Variants in ATG7 observed in about 807,000 individuals in gnomAD.
The protein encoded by ATG7 is autophagy related 7.
In ATG7, 70 loss-of-function variants were observed where a neutral mutation model predicts 82.4. That is an observed-to-expected ratio of 0.85 (90% CI 0.70 to 1.04). The LOEUF is 1.04. Ranked by LOEUF, ATG7 falls within the 50% of genes least tolerant of loss-of-function variation. ATG7 has a pLI of 0.00. For synonymous variants in ATG7, 287 were observed against 313.0 expected, an observed-to-expected ratio of 0.92 and a Z score of 0.88; for missense variants, 792 against 864.3, an observed-to-expected ratio of 0.92 and a Z score of 1.05.
chr3:11,332,514 C>CCACAA (rs1951792643), intron 10 of ATG7, among the ~76,000 whole-genome samples: 2 of 152,046 alleles, frequency 1.3e-5, no homozygotes, highest in Admixed American at 1.3e-4. Context: ...GGGAGACAAT[C>CCACAA]TACAATTATC....
Position 11,542,743 on chromosome 3 carries a change from C to T in ATG7, c.2080-12068C>T, listed in dbSNP as rs2070936498. On this transcript the variant is annotated intron_variant, in intron 20 of 20. Transcript: ENST00000693202. ...GGGCATCCTCCCGGGCACCCCCTCC[C>T]GGGCGTCAGGTCTCTGTTTCCAGCC... Among the ~76,000 whole-genome samples the T allele has an allele frequency of 3.3e-5, 5 of 152,350 alleles. No individual in the cohort carries two copies. In the South Asian group the frequency reaches 6.2e-4, roughly 19 times the overall value.
the ATG7 span, among the ~76,000 whole-genome samples, chr3:11,569,360 C>G: frequency 6.6e-6 from 1 of 152,168 alleles, no homozygotes; most frequent in Non-Finnish European, 1.5e-5. Context: ...CCCAAAGGCC[C>G]CTGAGCACCA....
the ATG7 span, among the ~76,000 whole-genome samples, chr3:11,576,204 A>G: frequency 1.3e-5 from 2 of 152,344 alleles, no homozygotes; most frequent in Middle Eastern, 6.8e-3. Context: ...ACCTGCGGCC[A>G]TGACCCCCAG....
intron 18 of ATG7, among the ~76,000 whole-genome samples, chr3:11,377,725 TA>T (rs2077527468): frequency 1.3e-5 from 2 of 152,234 alleles, no homozygotes; most frequent in African/African-American, 4.8e-5. Context: ...AGTTCTTTTC[TA>T]AGTAAACTTA....
intron 18 of ATG7, among the ~76,000 whole-genome samples, chr3:11,379,427 C>G (rs1466451017): frequency 6.6e-6 from 1 of 152,094 alleles, no homozygotes; most frequent in Non-Finnish European, 1.5e-5. Context: ...GTGCTGTTTC[C>G]CCATAAATCT....
chr3:11,352,312 A>T (rs918683244), intron 14 of ATG7, among the ~76,000 whole-genome samples: 2 of 152,182 alleles, frequency 1.3e-5, no homozygotes, highest in Non-Finnish European at 2.9e-5. Flanking sequence ...CAATAAACAT[A>T]TGTGTGCATG....
intron 20 of ATG7, among the ~76,000 whole-genome samples, chr3:11,462,317 C>T (rs1457383903): frequency 6.6e-6 from 1 of 151,952 alleles, no homozygotes; most frequent in African/African-American, 2.4e-5. Flanking sequence ...GAAGGAGACA[C>T]AGGAGAGGCT....
chr3:11,524,607 A>G (rs2092525685), intron 20 of ATG7, among the ~76,000 whole-genome samples: 1 of 152,132 alleles, frequency 6.6e-6, no homozygotes, highest in Admixed American at 6.6e-5. Flanking sequence ...AAAAATAAAA[A>G]TAATAATAAT....
intron 16 of ATG7, among the ~76,000 whole-genome samples, chr3:11,361,158 G>A (rs774588811): frequency 6.6e-6 from 1 of 152,124 alleles, no homozygotes; most frequent in African/African-American, 2.4e-5. Context: ...TGCCTCCCAG[G>A]TAGTTCTAAA....
At position 11,379,955 on chromosome 3, in the gene ATG7, G is replaced by GT; in HGVS notation, c.1876-13dup. 1 of 1,612,648 alleles carries GT rather than the reference G, an allele frequency of 6.2e-7. No individual in the cohort carries two copies. Among genetic ancestry groups the GT allele is most frequent in the Non-Finnish European group, 8.5e-7 (1 of 1,178,692 alleles). Reference sequence around the variant, plus strand: ...TTGTGTGTTTGATGTGAATTGTTTTGTTTTGTTTGTTTTTAGATCCGGGGA... The same window carrying GT: ...TTGTGTGTTTGATGTGAATTGTTTTGTTTTTGTTTGTTTTTAGATCCGGGGA... On this transcript the variant is annotated splice_polypyrimidine_tract_variant and intron_variant, in intron 18 of 20. Coordinates refer to ENST00000693202, the MANE Select transcript of ATG7 (RefSeq NM_001349232.2).
chr3:11,510,396 AAT>A (rs1264796470), intron 20 of ATG7: 8 of 402,932 alleles, frequency 2.0e-5, no homozygotes, highest in African/African-American at 1.7e-4. Context: ...AAAAAAAAAA[AAT>A]CTGAGTTACT....
At chr3:11,473,536 G>A (rs984744973) in intron 20 of ATG7, among the ~76,000 whole-genome samples, 2 of 152,144 alleles carry the variant, frequency 1.3e-5, no homozygotes, top group Admixed American at 6.6e-5. Context: ...CTGAAAGGCC[G>A]TTCTCCAAGA....
chr3:11,504,993 T>C (rs2091608233), intron 20 of ATG7, among the ~76,000 whole-genome samples: 1 of 152,128 alleles, frequency 6.6e-6, no homozygotes, highest in Admixed American at 6.6e-5. Context: ...ATATAATGCC[T>C]AAACCTGAAA....
chr3:11,377,586 A>G (rs2077519187), intron 18 of ATG7, among the ~76,000 whole-genome samples: 1 of 152,250 alleles, frequency 6.6e-6, no homozygotes, highest in South Asian at 2.1e-4. Context: ...TGTGCAACAT[A>G]AAGTAAGTTT....
chr3:11,516,208 A>C (rs555068302), intron 20 of ATG7, among the ~76,000 whole-genome samples: 2 of 152,200 alleles, frequency 1.3e-5, no homozygotes, highest in Non-Finnish European at 2.9e-5. Flanking sequence ...AAGATGTTCC[A>C]ATAGCATTAG....
At chr3:11,560,145 C>T (rs1187463334), downstream of ATG7, among the ~76,000 whole-genome samples, 3 of 152,114 alleles carry the variant, frequency 2.0e-5, no homozygotes, top group South Asian at 2.1e-4. Context: ...CACTGGCCAC[C>T]GCCCCACCAC....
chr3:11,380,158 T>TG (rs1452042234), intron 19 of ATG7, 106 bp downstream of exon 19: 2 of 1,035,666 alleles, frequency 1.9e-6, no homozygotes, highest in African/African-American at 1.6e-5. Context: ...GGGCTTTTTG[T>TG]GGGGGAAGGG....
chr3:11,409,816 A>G (rs2080725601), intron 19 of ATG7, among the ~76,000 whole-genome samples: 1 of 149,802 alleles, frequency 6.7e-6, no homozygotes, highest in South Asian at 2.1e-4. Flanking sequence ...TTGCTACAGC[A>G]CGATTTGTTG....
At chr3:11,472,288 G>C (rs2087634264) in intron 20 of ATG7, among the ~76,000 whole-genome samples, 1 of 152,058 alleles carries the variant, frequency 6.6e-6, no homozygotes, top group Non-Finnish European at 1.5e-5. Context: ...GCAGGCTCTT[G>C]CCTCCTGCTA....
Sources: gnomAD v4.1 joint callset for allele counts (sites outside exome capture counted in the v4.1 genomes callset) on GRCh38, gnomAD v4.1.1 for gene constraint, MANE v1.5 for transcripts, NCBI Gene and HGNC (gene_info 2026-07-23, HGNC 2026-07-21) for gene names.